Variants in KAZN observed in about 807,000 individuals in gnomAD.
The protein encoded by KAZN is kazrin, periplakin interacting protein.
In KAZN, 40 loss-of-function variants were observed where a neutral mutation model predicts 87.4. The observed-to-expected ratio is 0.46, with a 90% CI of 0.36 to 0.60. The LOEUF (loss-of-function observed/expected upper bound fraction) is 0.60, where lower values mean the gene tolerates loss of function less well. KAZN is among the 20% of genes least tolerant of loss of function. KAZN has a pLI of 0.00. For missense variants in KAZN, 898 were observed against 1,073.9 expected, an observed-to-expected ratio of 0.84 and a Z score of 2.29; for synonymous variants, 466 against 458.3, an observed-to-expected ratio of 1.02 and a Z score of -0.22.
intron 1 of KAZN, among the ~76,000 whole-genome samples, chr1:13,916,237 G>T (rs888506792): frequency 6.6e-6 from 1 of 152,150 alleles, no homozygotes; most frequent in African/African-American, 2.4e-5. Flanking sequence ...GCATATGAAG[G>T]GTGAGGGATA....
At chr1:14,464,675 ACTACAGATACATGCCACCATGC>A (rs1354957598) in intron 2 of KAZN, among the ~76,000 whole-genome samples, 54 of 152,026 alleles carry the variant, frequency 3.6e-4, no homozygotes, top group Non-Finnish European at 6.0e-4. Context: ...AGTGGCTGGG[ACTACAGATACATGCCACCATGC>A]CTGGCTAATT....
In KAZN at chr1:14,874,302, A is replaced by G. The variant is rs1430080493; in HGVS notation, c.227-86382A>G. The stretch of plus-strand genomic sequence containing the variant: ...GGAACAGCTGGTGAGGTAGGAAGAA[A>G]CCAGTAGAGAAGTGACATGTGTCCG... On this transcript the variant is annotated intron_variant, in intron 1 of 14. Coordinates refer to ENST00000376030, the MANE Select transcript of KAZN (RefSeq NM_201628.3). Among the ~76,000 whole-genome samples the G allele has an allele frequency of 2.0e-5, 3 of 152,218 alleles. No individual in the cohort carries two copies. In the East Asian group the frequency reaches 5.8e-4, roughly 29 times the overall value.
intron 2 of KAZN, among the ~76,000 whole-genome samples, chr1:14,414,362 A>C (rs530458938): frequency 1.2e-3 from 189 of 151,410 alleles, no homozygotes; most frequent in African/African-American, 4.4e-3. Flanking sequence ...AAAAAAAAAA[A>C]ACCTTTTATA....
intron 2 of KAZN, among the ~76,000 whole-genome samples, chr1:14,565,034 G>A (rs1245415292): frequency 6.6e-6 from 1 of 152,040 alleles, no homozygotes; most frequent in Admixed American, 6.6e-5. Context: ...TTATTATGAA[G>A]CTTTGCATAC....
intron 1 of KAZN, among the ~76,000 whole-genome samples, chr1:14,154,851 G>A (rs1645554641): frequency 6.6e-6 from 1 of 152,068 alleles, no homozygotes; most frequent in Non-Finnish European, 1.5e-5. Flanking sequence ...ATTCCACTTG[G>A]TCAGGATGAA....
In KAZN at chr1:15,094,075, G is replaced by A. The variant is rs567521732; in HGVS notation, c.1223-105G>A. ...TTTGATTTTGAAGAGAATACATGGAGGGGAGGATGTCCCCACCACCCTCTG... is the reference window on the plus strand; with the variant it reads ...TTTGATTTTGAAGAGAATACATGGAAGGGAGGATGTCCCCACCACCCTCTG... On this transcript the variant is annotated intron_variant, in intron 8 of 14. Coordinates refer to ENST00000376030, the MANE Select transcript of KAZN (RefSeq NM_201628.3). This position sits in a 1 kb window ranked among gnomAD's most constrained non-coding sequence, Gnocchi z 4.5. The A allele has an allele frequency of 3.9e-5, 36 of 933,552 alleles. No individual in the cohort carries two copies. The highest frequency in any genetic ancestry group is 3.4e-4 in the African/African-American group (21 of 61,808). The allele number at this position is 933,552 out of a possible 1,614,324, so 57.8% of individuals were successfully genotyped here.
intron 2 of KAZN, among the ~76,000 whole-genome samples, chr1:14,396,312 TAC>T (rs1457057268): frequency 2.0e-5 from 3 of 152,194 alleles, no homozygotes; most frequent in East Asian, 1.9e-4. Context: ...TGCAGGAATG[TAC>T]ACACAGTTTC....
chr1:14,787,884 G>A (rs999266819), intron 1 of KAZN, among the ~76,000 whole-genome samples: 1 of 152,306 alleles, frequency 6.6e-6, no homozygotes, highest in Non-Finnish European at 1.5e-5. Context: ...AACCAGTTCA[G>A]TAACAACTTT....
At chr1:14,247,085 T>C (rs552932077) in intron 2 of KAZN, among the ~76,000 whole-genome samples, 2 of 152,300 alleles carry the variant, frequency 1.3e-5, no homozygotes, top group South Asian at 4.1e-4. Flanking sequence ...ATCTAGTGTA[T>C]ATGAACACTA....
intron 2 of KAZN, among the ~76,000 whole-genome samples, chr1:14,492,109 T>C (rs1002761979): frequency 3.3e-5 from 5 of 152,124 alleles, no homozygotes; most frequent in Admixed American, 1.3e-4. Context: ...GTGAGCAGGT[T>C]TGGGGACAGC....
At position 14,757,254 on chromosome 1, in the gene KAZN, A is replaced by T. The variant is rs145619213; in HGVS notation, c.226+158031A>T. 8.4e-3 allele frequency among the ~76,000 whole-genome samples: 1,284 copies of T among 152,292 alleles called. 9 individuals carry two copies. The highest frequency in any genetic ancestry group is 0.014 in the Non-Finnish European group (964 of 68,016). ...TACTCTGGCACTATGTGGGACAAAG[A>T]ATTATGCATCAGCTCAGCCCATAGT... On this transcript the variant is annotated intron_variant, in intron 1 of 14. Transcript: ENST00000376030.
At chr1:14,424,396 A>G (rs2101338023) in intron 2 of KAZN, among the ~76,000 whole-genome samples, 1 of 152,340 alleles carries the variant, frequency 6.6e-6, no homozygotes, top group Admixed American at 6.5e-5. Context: ...TAACAGCACC[A>G]GGGTATAAGC....
chr1:15,002,712 A>G (rs1668611342), intron 2 of KAZN, among the ~76,000 whole-genome samples: 2 of 151,920 alleles, frequency 1.3e-5, no homozygotes, highest in Admixed American at 1.3e-4. Flanking sequence ...GTGGTAGCTC[A>G]CACCTGTAAT....
At chr1:15,006,661 AAT>A (rs969664706) in intron 2 of KAZN, among the ~76,000 whole-genome samples, 48 of 152,314 alleles carry the variant, frequency 3.2e-4, no homozygotes, top group African/African-American at 1.1e-3. Flanking sequence ...AAACCAGAGA[AAT>A]AAGTAAAATG....
At chr1:15,019,161 G>A (rs1670417818) in intron 2 of KAZN, among the ~76,000 whole-genome samples, 1 of 152,180 alleles carries the variant, frequency 6.6e-6, no homozygotes, top group Non-Finnish European at 1.5e-5. Flanking sequence ...CCTCCAGGGT[G>A]ATGAAAGGCC....
intron 2 of KAZN, among the ~76,000 whole-genome samples, chr1:14,351,760 C>T (rs1440078869): frequency 1.3e-5 from 2 of 152,182 alleles, no homozygotes; most frequent in Non-Finnish European, 2.9e-5. Flanking sequence ...CCACAGCAAA[C>T]ACTCGGACCA....
chr1:15,064,949 C>T (rs1454054156), intron 7 of KAZN, among the ~76,000 whole-genome samples: 1 of 151,942 alleles, frequency 6.6e-6, no homozygotes, highest in Non-Finnish European at 1.5e-5. Flanking sequence ...AATATTATTA[C>T]AGTACAAATG....
intron 2 of KAZN, among the ~76,000 whole-genome samples, chr1:14,479,161 C>T (rs1201252841): frequency 6.6e-6 from 1 of 152,116 alleles, no homozygotes; most frequent in Non-Finnish European, 1.5e-5. Flanking sequence ...TGAGGGCAGG[C>T]CAAGTGGGCC....
At chr1:14,590,360 A>G (rs1230016496) in intron 2 of KAZN, among the ~76,000 whole-genome samples, 2 of 152,080 alleles carry the variant, frequency 1.3e-5, no homozygotes, top group Non-Finnish European at 2.9e-5. Context: ...TTTTGCAGAG[A>G]GTGAAGGGGA....
Sources: gnomAD v4.1 joint callset for allele counts (sites outside exome capture counted in the v4.1 genomes callset) on GRCh38, gnomAD v4.1.1 for gene constraint, Gnocchi (gnomAD v3.1) non-coding constraint, MANE v1.5 for transcripts, NCBI Gene and HGNC (gene_info 2026-07-23, HGNC 2026-07-21) for gene names.